MEIKIN: variants seen among roughly 807,000 people sequenced by gnomAD.
The protein encoded by MEIKIN is meiotic kinetochore factor, also known as meiosis-specific kinetochore protein.
At chr5:131,883,582 A>T (rs1423620820) in intron 8 of MEIKIN, among the ~76,000 whole-genome samples, 1 of 152,194 alleles carries the variant, frequency 6.6e-6, no homozygotes, top group East Asian at 1.9e-4. Flanking sequence ...TGAATTAAGA[A>T]ATGTATAAGG....
intron 12 of MEIKIN, among the ~76,000 whole-genome samples, chr5:131,815,215 A>C (rs571058479): frequency 6.6e-6 from 1 of 152,316 alleles, no homozygotes; most frequent in African/African-American, 2.4e-5. Flanking sequence ...TCACTGGTCT[A>C]TGTTCCTTAT....
At chr5:131,818,330 T>C (rs1773138862) in intron 12 of MEIKIN, among the ~76,000 whole-genome samples, 1 of 152,232 alleles carries the variant, frequency 6.6e-6, no homozygotes, top group African/African-American at 2.4e-5. Context: ...ATATTTTACA[T>C]TAGTGCCATA....
At chr5:131,825,166 C>T (rs1159834177) in intron 11 of MEIKIN, among the ~76,000 whole-genome samples, 1 of 152,168 alleles carries the variant, frequency 6.6e-6, no homozygotes, top group African/African-American at 2.4e-5. Flanking sequence ...TACCACTGCA[C>T]TCCAGCCTGG....
At chr5:131,933,022 T>G (rs1263724723) in intron 5 of MEIKIN, among the ~76,000 whole-genome samples, 1 of 152,218 alleles carries the variant, frequency 6.6e-6, no homozygotes, top group Non-Finnish European at 1.5e-5. Flanking sequence ...AAGAAAAAGC[T>G]GTTTTCTGCC....
intron 6 of MEIKIN, among the ~76,000 whole-genome samples, chr5:131,917,295 G>A (rs1369465992): frequency 6.6e-6 from 1 of 152,114 alleles, no homozygotes; most frequent in African/African-American, 2.4e-5. Flanking sequence ...GCCGGGCACA[G>A]TGGTTCACGC....
intron 4 of MEIKIN, among the ~76,000 whole-genome samples, chr5:131,939,019 T>C (rs1432935108): frequency 6.6e-6 from 1 of 152,176 alleles, no homozygotes; most frequent in Admixed American, 6.5e-5. Flanking sequence ...AATCTTCTAG[T>C]TGGAGTGTAT....
chr5:131,868,260 T>G (rs1321321590), intron 9 of MEIKIN, among the ~76,000 whole-genome samples: 1 of 152,080 alleles, frequency 6.6e-6, no homozygotes. Context: ...AGGCTAATAT[T>G]TTTTAGTAGA....
At chr5:131,876,261 A>T (rs1482581953) in intron 9 of MEIKIN, among the ~76,000 whole-genome samples, 1 of 152,032 alleles carries the variant, frequency 6.6e-6, no homozygotes, top group Non-Finnish European at 1.5e-5. Context: ...CAAAGGGCTA[A>T]TATCCAGAAT....
chr5:131,831,516 A>G (rs1310092623), intron 11 of MEIKIN, among the ~76,000 whole-genome samples: 1 of 152,166 alleles, frequency 6.6e-6, no homozygotes, highest in Admixed American at 6.5e-5. Flanking sequence ...ATATCACACC[A>G]CTGTATTACA....
At chr5:131,931,056 C>T (rs1751680903) in intron 5 of MEIKIN, among the ~76,000 whole-genome samples, 1 of 152,194 alleles carries the variant, frequency 6.6e-6, no homozygotes, top group African/African-American at 2.4e-5. Context: ...CTTGTATCAG[C>T]ATCTACGCAT....
intron 11 of MEIKIN, among the ~76,000 whole-genome samples, chr5:131,842,771 C>A (rs958713484): frequency 3.3e-5 from 5 of 152,130 alleles, no homozygotes; most frequent in Admixed American, 1.3e-4. Flanking sequence ...TATGCTTTTA[C>A]TCCACCCTTC....
chr5:131,845,612 CA>C (rs34164950), intron 11 of MEIKIN, among the ~76,000 whole-genome samples: 3 of 149,104 alleles, frequency 2.0e-5, no homozygotes, highest in African/African-American at 2.4e-5. Flanking sequence ...TCAAAAGAAG[CA>C]AAAAAAAAAT....
intron 11 of MEIKIN, among the ~76,000 whole-genome samples, chr5:131,822,810 C>T (rs910797854): frequency 4.1e-4 from 63 of 152,098 alleles, no homozygotes; most frequent in African/African-American, 1.5e-3. Context: ...TGTTTATTAA[C>T]ATCCTTTTCT....
chr5:131,811,938 A>G (rs1772964626), intron 12 of MEIKIN, among the ~76,000 whole-genome samples: 1 of 152,226 alleles, frequency 6.6e-6, no homozygotes, highest in African/African-American at 2.4e-5. Flanking sequence ...AGAAATGTAC[A>G]CATATGTACA....
At position 131,938,581 on chromosome 5, in the gene MEIKIN, T is replaced by G. The variant is rs114938693; in HGVS notation, c.349+4054A>C. ...CTTCTCTTTCATGTTTGTTCAACTTTTTGGAATATTTCCTTAAATTTATCA... is the reference window on the plus strand; with the variant it reads ...CTTCTCTTTCATGTTTGTTCAACTTGTTGGAATATTTCCTTAAATTTATCA... On this transcript the variant is annotated intron_variant, in intron 4 of 12. Coordinates refer to ENST00000442687, the MANE Select transcript of MEIKIN (RefSeq NM_001303622.2). Among the ~76,000 whole-genome samples the G allele has an allele frequency of 3.2e-3, 482 of 152,356 alleles. 3 individuals carry two copies. Among genetic ancestry groups the G allele is most frequent in the African/African-American group, 0.011 (459 of 41,578 alleles).
chr5:131,812,319 A>G (rs1341243024), intron 12 of MEIKIN, among the ~76,000 whole-genome samples: 1 of 152,222 alleles, frequency 6.6e-6, no homozygotes, highest in Non-Finnish European at 1.5e-5. Flanking sequence ...CTTAATGGGC[A>G]TTTGGATAGT....
intron 11 of MEIKIN, among the ~76,000 whole-genome samples, chr5:131,822,579 A>G (rs768227947): frequency 2.6e-5 from 4 of 152,124 alleles, no homozygotes; most frequent in Non-Finnish European, 2.9e-5. Context: ...AAAACTCTAT[A>G]ACTTTGTCCT....
chr5:131,872,574 G>T (rs996428778), intron 9 of MEIKIN, among the ~76,000 whole-genome samples: 1 of 152,196 alleles, frequency 6.6e-6, no homozygotes, highest in Non-Finnish European at 1.5e-5. Context: ...AAAACACTCT[G>T]CAGGATATTA....
At chr5:131,870,434 T>C (rs555170277) in intron 9 of MEIKIN, among the ~76,000 whole-genome samples, 23 of 152,292 alleles carry the variant, frequency 1.5e-4, no homozygotes, top group Admixed American at 1.5e-3. Context: ...TTTCCAGGGA[T>C]TGACCTGGGC....
Sources: gnomAD v4.1 joint callset for allele counts (sites outside exome capture counted in the v4.1 genomes callset) on GRCh38, gnomAD v4.1.1 for gene constraint, MANE v1.5 for transcripts, NCBI Gene and HGNC (gene_info 2026-07-23, HGNC 2026-07-21) for gene names.